GLI2: variants seen among roughly 807,000 people sequenced by gnomAD.
GLI2 encodes the protein transcription activator GLI2.
In GLI2, 22 loss-of-function variants were observed where a neutral mutation model predicts 78.9. The observed-to-expected ratio is 0.28, with a 90% CI of 0.20 to 0.40. GLI2 has a LOEUF of 0.40. Among genes scored for constraint, GLI2 ranks in the 10% least tolerant of loss-of-function variants. GLI2 has a pLI of 1.00. For synonymous variants in GLI2, 974 were observed against 963.7 expected (o/e 1.01, Z -0.20); for missense variants, 2,097 against 2,213.2 (o/e 0.95, Z 1.05).
At position 120,982,974 on chromosome 2, in the gene GLI2, G is replaced by A. The variant is rs1026958774; in HGVS notation, c.1632+94G>A. ...TCTGTAGTCCAGTAGATAGCCAGGT[G>A]CCCCATGTCCCGCCCCCGCCACTGA... On this transcript the variant is annotated intron_variant, in intron 11 of 13. Transcript: ENST00000361492. 3.2e-6 allele frequency: 4 copies of A among 1,264,090 alleles called. No homozygotes were observed. In the African/African-American group the frequency reaches 4.4e-5, roughly 14 times the overall value. 78.3% of individuals were successfully genotyped at this position (1,264,090 alleles called of 1,614,324 possible).
intron 2 of GLI2, among the ~76,000 whole-genome samples, chr2:120,844,866 A>G (rs1283410794): frequency 6.6e-6 from 1 of 152,140 alleles, no homozygotes; most frequent in African/African-American, 2.4e-5. Context: ...ATAAGGCTTC[A>G]CCTGTGAGTT....
At chr2:120,975,761 T>C (rs1044316002) in intron 9 of GLI2, among the ~76,000 whole-genome samples, 3 of 152,180 alleles carry the variant, frequency 2.0e-5, no homozygotes, top group Non-Finnish European at 4.4e-5. Context: ...GTCCCTTATA[T>C]GGCAGTTAGG....
At chr2:120,881,382 G>T in intron 2 of GLI2, among the ~76,000 whole-genome samples, 1 of 151,854 alleles carries the variant, frequency 6.6e-6, no homozygotes, top group Admixed American at 6.6e-5. Context: ...GAGGACAGTG[G>T]GGAGAGGGCA....
At chr2:120,985,687 G>A (rs1248555341) in intron 12 of GLI2, among the ~76,000 whole-genome samples, 1 of 152,166 alleles carries the variant, frequency 6.6e-6, no homozygotes, top group Non-Finnish European at 1.5e-5. Flanking sequence ...TGTGGATGTC[G>A]TCCGAGTGGA....
intron 1 of GLI2, among the ~76,000 whole-genome samples, chr2:120,753,399 C>G (rs1256948801): frequency 6.6e-6 from 1 of 152,084 alleles, no homozygotes; most frequent in Non-Finnish European, 1.5e-5. Context: ...CCTGGCCTCT[C>G]TACGGATTTT....
intron 2 of GLI2, among the ~76,000 whole-genome samples, chr2:120,847,623 TTGGATTGGGGGA>T (rs927291598): frequency 1.4e-5 from 2 of 144,866 alleles, no homozygotes; most frequent in South Asian, 2.4e-4. Flanking sequence ...GTTGGTGAAC[TTGGATTGGGGGA>T]TGGATTGGGG....
At chr2:120,987,487 TCA>T (rs1394193724) in intron 13 of GLI2, among the ~76,000 whole-genome samples, 3 of 152,122 alleles carry the variant, frequency 2.0e-5, no homozygotes, top group African/African-American at 7.2e-5. Context: ...GGTGCCCAAC[TCA>T]GGGCAGCACT....
chr2:120,739,696 G>A (rs535049434), intron 1 of GLI2, among the ~76,000 whole-genome samples: 5 of 152,206 alleles, frequency 3.3e-5, no homozygotes, highest in Non-Finnish European at 7.3e-5. Context: ...AAAGGAACCC[G>A]GGGGAGCACT....
intron 12 of GLI2, 144 bp from the exon 13 acceptor site, chr2:120,986,134 G>C (rs1051902869): frequency 2.8e-6 from 2 of 708,324 alleles, no homozygotes; most frequent in East Asian, 2.7e-5. Context: ...GACGCTTTAC[G>C]TGCTCCTCCG....
At chr2:120,868,612 A>C (rs905026459) in intron 2 of GLI2, among the ~76,000 whole-genome samples, 19 of 152,286 alleles carry the variant, frequency 1.2e-4, no homozygotes, top group African/African-American at 4.1e-4. Flanking sequence ...TGCCATTCAG[A>C]AACAAAGTTA....
chr2:120,743,828 C>G (rs753650966), intron 1 of GLI2, among the ~76,000 whole-genome samples: 2 of 152,236 alleles, frequency 1.3e-5, no homozygotes, highest in Non-Finnish European at 2.9e-5. Flanking sequence ...ACCCTGCCCA[C>G]TGGACAGCCA....
chr2:120,988,395 C>T lies in GLI2; in HGVS notation c.2430C>T (p.Ser810=). The change falls in exon 14 of 14, where the codon TCC becomes TCT. Residue 810 remains serine (S), a synonymous_variant. Transcript: ENST00000361492. ...YTVSRRSSGI[S]PYFSSRRSSE... The stretch of plus-strand genomic sequence containing the variant: ...TGAGCCGCCGCTCCTCCGGCATCTC[C>T]CCCTACTTCTCCAGCCGCCGCTCCA... 7.6e-6 allele frequency: 12 copies of T among 1,573,716 alleles called. No individual in the cohort carries two copies. The highest frequency in any genetic ancestry group is 1.0e-5 in the Non-Finnish European group (12 of 1,169,960).
At chr2:120,906,144 G>T (rs1678521166) in intron 2 of GLI2, among the ~76,000 whole-genome samples, 1 of 152,214 alleles carries the variant, frequency 6.6e-6, no homozygotes, top group South Asian at 2.1e-4. Context: ...ACGGTGCGGG[G>T]CAGGCAAGGT....
At chr2:120,955,052 C>G (rs1287024431) in intron 4 of GLI2, among the ~76,000 whole-genome samples, 193 bp from the exon 5 acceptor site, 1 of 151,566 alleles carries the variant, frequency 6.6e-6, no homozygotes, top group Non-Finnish European at 1.5e-5. Flanking sequence ...CACCGCAGCT[C>G]GTGCTGGCCA....
intron 2 of GLI2, among the ~76,000 whole-genome samples, chr2:120,862,580 G>A (rs1313137509): frequency 2.0e-5 from 3 of 152,230 alleles, no homozygotes; most frequent in African/African-American, 7.2e-5. Context: ...GCCCTTGTGG[G>A]TCCATCGTGA....
At chr2:120,876,084 G>A (rs950138187) in intron 2 of GLI2, among the ~76,000 whole-genome samples, 6 of 152,236 alleles carry the variant, frequency 3.9e-5, no homozygotes, top group African/African-American at 1.4e-4. Context: ...GCTCACACCT[G>A]TAATCCCAGC....
At chr2:120,815,012 C>A (rs770463601) in intron 2 of GLI2, among the ~76,000 whole-genome samples, 1 of 152,100 alleles carries the variant, frequency 6.6e-6, no homozygotes, top group Non-Finnish European at 1.5e-5. Context: ...CCAGCGTCCA[C>A]GGGCCTGAGA....
intron 2 of GLI2, among the ~76,000 whole-genome samples, chr2:120,854,507 A>G (rs898968944): frequency 3.9e-5 from 6 of 152,160 alleles, no homozygotes; most frequent in Admixed American, 2.6e-4. Context: ...GGCTGTGACA[A>G]TCAGGGGAAA....
intron 2 of GLI2, among the ~76,000 whole-genome samples, chr2:120,833,817 A>G (rs1232568066): frequency 1.3e-5 from 2 of 152,162 alleles, no homozygotes; most frequent in Non-Finnish European, 2.9e-5. Flanking sequence ...TGAACTTAAG[A>G]TTTGTTTTCA....
Sources: allele counts gnomAD v4.1 joint callset (sites outside exome capture counted in the v4.1 genomes callset), GRCh38; gene constraint gnomAD v4.1.1; transcripts MANE v1.5; gene names NCBI Gene and HGNC (gene_info 2026-07-23, HGNC 2026-07-21).